The following DNM3 variants were observed in gnomAD, a reference collection of about 807,000 sequenced individuals.
The protein encoded by DNM3 is dynamin 3, also known as dynamin-3.
DNM3 carries 47 observed loss-of-function variants against 101.6 expected under a neutral mutation model. The ratio of observed to expected loss-of-function variants is 0.46; its 90% CI spans 0.37 to 0.59. The LOEUF (loss-of-function observed/expected upper bound fraction) is 0.59, where lower values mean the gene tolerates loss of function less well. Among genes scored for constraint, DNM3 ranks in the 20% least tolerant of loss-of-function variants. DNM3 has a pLI of 0.00. For synonymous variants in DNM3, 385 were observed against 387.9 expected, an observed-to-expected ratio of 0.99 and a Z score of 0.09; for missense variants, 849 against 1,085.7, an observed-to-expected ratio of 0.78 and a Z score of 3.06.
chr1:172,337,865 ATTTT>A (rs1225609207), intron 17 of DNM3, among the ~76,000 whole-genome samples: 1 of 87,020 alleles, frequency 1.1e-5, no homozygotes, highest in African/African-American at 4.0e-5. Flanking sequence ...ATTTTATTTT[ATTTT>A]TATTTTATTT....
chr1:172,111,326 A>G (rs2055462078), intron 13 of DNM3, among the ~76,000 whole-genome samples: 1 of 152,190 alleles, frequency 6.6e-6, no homozygotes, highest in Admixed American at 6.5e-5. Flanking sequence ...GGTACCAATA[A>G]TTTATTGACT....
chr1:172,117,290 G>T (rs534811745), intron 13 of DNM3, among the ~76,000 whole-genome samples: 2 of 151,486 alleles, frequency 1.3e-5, no homozygotes, highest in South Asian at 2.1e-4. Flanking sequence ...TTTAAAATGT[G>T]CATGGCTCTT....
At chr1:172,224,129 C>T (rs2061015869) in intron 14 of DNM3, among the ~76,000 whole-genome samples, 1 of 152,138 alleles carries the variant, frequency 6.6e-6, no homozygotes, top group Admixed American at 6.5e-5. Context: ...TGTGGCTTTT[C>T]CTGACCTCTA....
At chr1:172,113,552 G>A (rs1407331457) in intron 13 of DNM3, among the ~76,000 whole-genome samples, 13 of 149,488 alleles carry the variant, frequency 8.7e-5, no homozygotes, top group South Asian at 2.1e-4. Flanking sequence ...CCTGGGGGGC[G>A]GAGGTTGCGG....
At chr1:171,993,677 T>C (rs2045799461) in intron 4 of DNM3, among the ~76,000 whole-genome samples, 1 of 152,014 alleles carries the variant, frequency 6.6e-6, no homozygotes, top group South Asian at 2.1e-4. Flanking sequence ...TTCCTCTTTC[T>C]CTCCTCTTCT....
chr1:172,102,245 A>G (rs114669638), intron 13 of DNM3, among the ~76,000 whole-genome samples: 5,906 of 152,280 alleles, frequency 0.039, 125 homozygotes, highest in Middle Eastern at 0.071. Context: ...CCAAAAAACT[A>G]CAATGGCTAT....
chr1:172,243,606 T>G (rs1333695034), intron 14 of DNM3, among the ~76,000 whole-genome samples: 2 of 152,134 alleles, frequency 1.3e-5, no homozygotes, highest in Non-Finnish European at 2.9e-5. Flanking sequence ...GGTACGAGGG[T>G]GCAGCCATGA....
chr1:172,312,294 T>C (rs1478151588), intron 16 of DNM3, among the ~76,000 whole-genome samples: 1 of 152,206 alleles, frequency 6.6e-6, no homozygotes, highest in African/African-American at 2.4e-5. Flanking sequence ...CATTTATGTG[T>C]CATGCATGGA....
intron 14 of DNM3, among the ~76,000 whole-genome samples, chr1:172,179,383 T>C (rs1057312982): frequency 1.3e-5 from 2 of 151,950 alleles, no homozygotes; most frequent in Non-Finnish European, 2.9e-5. Context: ...AAGAAAATAA[T>C]TGGTATGAAC....
intron 8 of DNM3, among the ~76,000 whole-genome samples, chr1:172,042,665 G>A (rs2049472795): frequency 6.6e-6 from 1 of 152,158 alleles, no homozygotes; most frequent in South Asian, 2.1e-4. Context: ...AGATCTGGGG[G>A]AAAGGGGTTG....
At chr1:172,276,613 T>C (rs1478920436) in intron 15 of DNM3, among the ~76,000 whole-genome samples, 4 of 146,786 alleles carry the variant, frequency 2.7e-5, no homozygotes, top group African/African-American at 7.6e-5. Flanking sequence ...GCTGGCCTTA[T>C]TGAGTGAGTG....
chr1:172,191,810 T>C (rs982864820), intron 14 of DNM3, among the ~76,000 whole-genome samples: 59 of 152,014 alleles, frequency 3.9e-4, no homozygotes, highest in African/African-American at 1.4e-3. Context: ...TGATTTGGCT[T>C]TCTGTTTGTC....
intron 15 of DNM3, chr1:172,289,454 C>T (rs2148813240): frequency 6.4e-6 from 3 of 471,222 alleles, no homozygotes; most frequent in Non-Finnish European, 7.7e-6. Flanking sequence ...AACTATATGT[C>T]GTCTCATTTC....
chr1:172,233,297 G>A (rs956056186), intron 14 of DNM3, among the ~76,000 whole-genome samples: 1 of 152,124 alleles, frequency 6.6e-6, no homozygotes, highest in African/African-American at 2.4e-5. Flanking sequence ...TAGAAGAAAT[G>A]GATAAATTCC....
intron 20 of DNM3, among the ~76,000 whole-genome samples, chr1:172,405,930 T>A (rs1438570576): frequency 6.6e-6 from 1 of 151,792 alleles, no homozygotes; most frequent in African/African-American, 2.4e-5. Context: ...CTCACAAATA[T>A]CCTTGTATTT....
In DNM3 at chr1:172,235,547, G is replaced by A. The variant is rs146086604; in HGVS notation, c.1660-18026G>A. 9.0e-3 allele frequency among the ~76,000 whole-genome samples: 1,372 copies of A among 152,264 alleles called. 17 individuals are homozygous for A. The highest frequency in any genetic ancestry group is 0.031 in the African/African-American group (1,308 of 41,556). On this transcript the variant is annotated intron_variant, in intron 14 of 20. Transcript: ENST00000627582. Reference sequence around the variant, plus strand: ...TGCTGCTGTAAAGACACAGGCAGACGTATGTTTATTGCGGCACTATTCACA... The same window carrying A: ...TGCTGCTGTAAAGACACAGGCAGACATATGTTTATTGCGGCACTATTCACA...
chr1:171,854,370 G>T (rs2033341241), intron 1 of DNM3, among the ~76,000 whole-genome samples: 1 of 152,192 alleles, frequency 6.6e-6, no homozygotes, highest in Non-Finnish European at 1.5e-5. Context: ...ACTTAGGAGA[G>T]TGTCTGTCAC....
intron 2 of DNM3, among the ~76,000 whole-genome samples, chr1:171,963,597 G>C (rs12025243): frequency 2.0e-5 from 3 of 151,870 alleles, no homozygotes; most frequent in Non-Finnish European, 4.4e-5. Context: ...TGATATTGGG[G>C]TAATGCATAT....
intron 17 of DNM3, among the ~76,000 whole-genome samples, chr1:172,341,198 C>CAA (rs1417949852): frequency 6.6e-6 from 1 of 152,058 alleles, no homozygotes; most frequent in Non-Finnish European, 1.5e-5. Context: ...AAGATCTCTA[C>CAA]AATGAGAATT....
Sources: gnomAD v4.1 joint callset for allele counts (sites outside exome capture counted in the v4.1 genomes callset) on GRCh38, gnomAD v4.1.1 for gene constraint, MANE v1.5 for transcripts, NCBI Gene and HGNC (gene_info 2026-07-23, HGNC 2026-07-21) for gene names.